ADGRL2: variants seen among roughly 807,000 people sequenced by gnomAD.
The protein encoded by ADGRL2 is adhesion G protein-coupled receptor L2.
ADGRL2 carries 44 observed loss-of-function variants against 157.4 expected under a neutral mutation model. The observed-to-expected ratio is 0.28, with a 90% CI of 0.22 to 0.36. The LOEUF (loss-of-function observed/expected upper bound fraction) is 0.36. Among genes scored for constraint, ADGRL2 ranks in the 10% least tolerant of loss-of-function variants. The probability of loss-of-function intolerance (pLI) is 1.00; values close to 1 mark genes in which losing one functional copy is unlikely to be tolerated. For missense variants in ADGRL2, 1,510 were observed against 1,768.9 expected, an observed-to-expected ratio of 0.85 and a Z score of 2.63; for synonymous variants, 585 against 624.7, an observed-to-expected ratio of 0.94 and a Z score of 0.95.
At chr1:81,670,324 T>TA (rs1308921971) in intron 3 of ADGRL2, among the ~76,000 whole-genome samples, 1 of 152,188 alleles carries the variant, frequency 6.6e-6, no homozygotes, top group East Asian at 1.9e-4. Context: ...CCAGGCCACT[T>TA]ATGCTGACTT....
intron 1 of ADGRL2, among the ~76,000 whole-genome samples, chr1:81,441,888 G>A (rs1452379010): frequency 2.0e-5 from 3 of 152,122 alleles, no homozygotes; most frequent in African/African-American, 4.8e-5. Flanking sequence ...TGCCCAGGCT[G>A]GCGTGTGGTG....
chr1:81,489,684 G>A (rs1301977935), intron 2 of ADGRL2, among the ~76,000 whole-genome samples: 1 of 152,202 alleles, frequency 6.6e-6, no homozygotes, highest in Non-Finnish European at 1.5e-5. Context: ...ACTTTTGATT[G>A]AAAGACAGAG....
chr1:81,681,685 T>C (rs1316145733), intron 3 of ADGRL2, among the ~76,000 whole-genome samples: 1 of 152,202 alleles, frequency 6.6e-6, no homozygotes, highest in Non-Finnish European at 1.5e-5. Flanking sequence ...TGGAGCCTAA[T>C]TTTAGTTCAG....
chr1:81,435,903 C>A (rs911965608), intron 1 of ADGRL2, among the ~76,000 whole-genome samples: 1 of 151,980 alleles, frequency 6.6e-6, no homozygotes, highest in Non-Finnish European at 1.5e-5. Context: ...TTGAGACCAG[C>A]CTGACCAACA....
intron 3 of ADGRL2, among the ~76,000 whole-genome samples, chr1:81,595,719 A>G (rs2081217278): frequency 6.6e-6 from 1 of 152,254 alleles, no homozygotes; most frequent in Non-Finnish European, 1.5e-5. Flanking sequence ...AGCCTGCGAT[A>G]TGAATGTATT....
intron 1 of ADGRL2, among the ~76,000 whole-genome samples, chr1:81,415,355 TTTG>T (rs1417344155): frequency 6.6e-6 from 1 of 152,214 alleles, no homozygotes; most frequent in East Asian, 1.9e-4. Flanking sequence ...TGTGTGTGTC[TTTG>T]TTAAAATTAC....
At chr1:81,915,751 G>C (rs1008403138) in intron 3 of ADGRL2, among the ~76,000 whole-genome samples, 1 of 152,098 alleles carries the variant, frequency 6.6e-6, no homozygotes, top group Non-Finnish European at 1.5e-5. Context: ...TTTATTTTTA[G>C]TTTTGAAACC....
chr1:81,783,218 G>T (rs1351987333), intron 2 of ADGRL2, among the ~76,000 whole-genome samples: 5 of 152,152 alleles, frequency 3.3e-5, no homozygotes, highest in Non-Finnish European at 7.3e-5. Flanking sequence ...CCACCTCCCC[G>T]GTTCAGGCAA....
intron 2 of ADGRL2, among the ~76,000 whole-genome samples, chr1:81,863,717 C>G (rs2093454580): frequency 6.6e-6 from 1 of 152,090 alleles, no homozygotes; most frequent in Non-Finnish European, 1.5e-5. Context: ...ATATTGAGTG[C>G]AAGCTACAGA....
chr1:81,984,452 A>G (rs1662564361), intron 19 of ADGRL2, 131 bp from the exon 20 acceptor site: 4 of 1,000,896 alleles, frequency 4.0e-6, no homozygotes, highest in Non-Finnish European at 5.7e-6. Flanking sequence ...TGCAAGTTCA[A>G]TTTATTTTCT....
At position 81,990,734 on chromosome 1, in the gene ADGRL2, C is replaced by T. The variant is rs1321047384; in HGVS notation, c.3999C>T (p.Leu1333=). 3 of 1,613,958 alleles carry T rather than the reference C, an allele frequency of 1.9e-6. No homozygotes were observed. The highest frequency in any genetic ancestry group is 2.7e-5 in the African/African-American group (2 of 74,894). Residue 1333 remains leucine (L), a synonymous_variant, in exon 24 of 24, where the codon CTC becomes CTT. Coordinates refer to ENST00000686636, the MANE Select transcript of ADGRL2 (RefSeq NM_001366006.2). ...GGCTGGAGCTCCATCACAAAGAACTCGAGGCACCACTTATTCCTCAGCGGA... is the reference window on the plus strand; with the variant it reads ...GGCTGGAGCTCCATCACAAAGAACTTGAGGCACCACTTATTCCTCAGCGGA... ...NPGLELHHKE[L]EAPLIPQRTH... is the part of the protein sequence containing the mutation.
At chr1:81,380,752 T>C (rs1169830602) in intron 1 of ADGRL2, among the ~76,000 whole-genome samples, 1 of 152,190 alleles carries the variant, frequency 6.6e-6, no homozygotes, top group Non-Finnish European at 1.5e-5. Context: ...AACCGCAGAT[T>C]TATGTATTAT....
intron 2 of ADGRL2, among the ~76,000 whole-genome samples, chr1:81,846,113 A>T (rs1035919377): frequency 6.6e-6 from 1 of 152,010 alleles, no homozygotes; most frequent in Non-Finnish European, 1.5e-5. Context: ...ACATTAAACC[A>T]ACCAGTAAGA....
intron 1 of ADGRL2, among the ~76,000 whole-genome samples, chr1:81,740,281 A>C (rs1045130800): frequency 1.3e-5 from 2 of 152,172 alleles, no homozygotes; most frequent in Non-Finnish European, 2.9e-5. Context: ...AGTACATACC[A>C]CTACTATATG....
chr1:81,362,867 A>T (rs1041017127), intron 1 of ADGRL2, among the ~76,000 whole-genome samples: 1 of 152,012 alleles, frequency 6.6e-6, no homozygotes, highest in Non-Finnish European at 1.5e-5. Flanking sequence ...CATTCCTAAC[A>T]TCTTAAACAT....
chr1:81,350,900 T>G (rs1662833508), intron 1 of ADGRL2, among the ~76,000 whole-genome samples: 1 of 152,190 alleles, frequency 6.6e-6, no homozygotes. Context: ...CTCATTTTTA[T>G]TGACTTATGG....
intron 1 of ADGRL2, among the ~76,000 whole-genome samples, chr1:81,817,047 C>T (rs906992061): frequency 2.0e-5 from 3 of 151,518 alleles, no homozygotes; most frequent in Non-Finnish European, 4.4e-5. Flanking sequence ...CCATCATCCA[C>T]ATAATAAATG....
chr1:81,790,795 A>G (rs1391381841), intron 2 of ADGRL2, among the ~76,000 whole-genome samples: 1 of 152,212 alleles, frequency 6.6e-6, no homozygotes, highest in African/African-American at 2.4e-5. Flanking sequence ...GGTGCATACC[A>G]TTCTGAATAG....
intron 1 of ADGRL2, among the ~76,000 whole-genome samples, chr1:81,724,503 A>G (rs76283392): frequency 0.07 from 10,627 of 152,192 alleles, 475 homozygotes; most frequent in Non-Finnish European, 0.097. Flanking sequence ...GCTCTTCCTT[A>G]AATAGTGTAA....
Sources: allele counts gnomAD v4.1 joint callset (sites outside exome capture counted in the v4.1 genomes callset), GRCh38; gene constraint gnomAD v4.1.1; transcripts MANE v1.5; gene names NCBI Gene and HGNC (gene_info 2026-07-23, HGNC 2026-07-21).